The following SOX5 variants were observed in gnomAD, a reference collection of about 807,000 sequenced individuals.
The protein encoded by SOX5 is SRY-box transcription factor 5, also known as transcription factor SOX-5.
Under a neutral mutation model 92.0 loss-of-function variants are expected in SOX5, and 9 were observed. That is an observed-to-expected ratio of 0.10 (90% confidence interval 0.06 to 0.17). SOX5 has a LOEUF of 0.17. Ranked by LOEUF, SOX5 falls within the 10% of genes least tolerant of loss-of-function variation. The probability of loss-of-function intolerance (pLI) is 1.00; values close to 1 mark genes in which losing one functional copy is unlikely to be tolerated. For missense variants in SOX5, 642 were observed against 944.5 expected, an observed-to-expected ratio of 0.68 and a Z score of 4.20; for synonymous variants, 344 against 336.3, an observed-to-expected ratio of 1.02 and a Z score of -0.25.
intron 2 of SOX5, among the ~76,000 whole-genome samples, chr12:24,288,135 GGGGACATTT>G (rs1409554333): frequency 6.6e-6 from 1 of 152,152 alleles, no homozygotes; most frequent in African/African-American, 2.4e-5. Context: ...TATGTCCCTG[GGGGACATTT>G]GGGAGTGTCT....
At chr12:23,696,002 A>G (rs1567040314) in intron 6 of SOX5, among the ~76,000 whole-genome samples, 1 of 151,208 alleles carries the variant, frequency 6.6e-6, no homozygotes, top group Non-Finnish European at 1.5e-5. Context: ...AAAAACAAAA[A>G]ATATGACATA....
At chr12:23,958,364 A>C (rs1946511545) in intron 4 of SOX5, among the ~76,000 whole-genome samples, 1 of 152,058 alleles carries the variant, frequency 6.6e-6, no homozygotes, top group Admixed American at 6.5e-5. Context: ...GTACTCTCAT[A>C]AAAGGTAGAA....
At chr12:24,416,315 C>A (rs1410856643) in intron 1 of SOX5, among the ~76,000 whole-genome samples, 1 of 152,190 alleles carries the variant, frequency 6.6e-6, no homozygotes, top group African/African-American at 2.4e-5. Context: ...CTTGGACTAG[C>A]CCATGTAACA....
intron 3 of SOX5, among the ~76,000 whole-genome samples, chr12:23,760,579 C>T (rs1270014004): frequency 2.7e-5 from 4 of 146,698 alleles, no homozygotes; most frequent in Non-Finnish European, 6.0e-5. Flanking sequence ...TGCTTCTTCA[C>T]ATCAATGCCT....
At chr12:24,372,793 T>C (rs1374746844) in intron 1 of SOX5, among the ~76,000 whole-genome samples, 1 of 152,124 alleles carries the variant, frequency 6.6e-6, no homozygotes, top group Admixed American at 6.5e-5. Flanking sequence ...CAGCATCTGT[T>C]GTTTCCTGAC....
intron 1 of SOX5, among the ~76,000 whole-genome samples, chr12:24,386,753 A>C (rs975877736): frequency 6.6e-6 from 1 of 152,254 alleles, no homozygotes; most frequent in Non-Finnish European, 1.5e-5. Context: ...AGAAATAAAG[A>C]ACAAGGAATC....
chr12:23,732,467 G>T (rs1593791189), intron 6 of SOX5, among the ~76,000 whole-genome samples: 1 of 76,024 alleles, frequency 1.3e-5, no homozygotes, highest in Non-Finnish European at 3.1e-5. Context: ...TGAATATACT[G>T]GAAGCTGTGA....
At chr12:24,552,041 C>A (rs1299114872) in intron 1 of SOX5, among the ~76,000 whole-genome samples, 2 of 151,888 alleles carry the variant, frequency 1.3e-5, no homozygotes, top group African/African-American at 4.9e-5. Context: ...AAAGTTATTT[C>A]CAAGGCTAGA....
At chr12:24,245,249 G>GTGTGTA (rs1397853699) in intron 3 of SOX5, among the ~76,000 whole-genome samples, 1 of 151,080 alleles carries the variant, frequency 6.6e-6, no homozygotes, top group African/African-American at 2.4e-5. Context: ...GTGTGTGTGT[G>GTGTGTA]TGTGTGTGTG....
chr12:24,115,540 G>A (rs576364116), intron 4 of SOX5, among the ~76,000 whole-genome samples: 1 of 152,262 alleles, frequency 6.6e-6, no homozygotes, highest in South Asian at 2.1e-4. Flanking sequence ...ACCCCAAGGA[G>A]GGAAAACAAC....
intron 1 of SOX5, among the ~76,000 whole-genome samples, chr12:24,561,877 T>A (rs1954389256): frequency 6.6e-6 from 1 of 152,228 alleles, no homozygotes; most frequent in African/African-American, 2.4e-5. Flanking sequence ...TTTTAGGGTC[T>A]GGCCTTGGAC....
At chr12:24,222,860 C>T (rs1020846828) in intron 3 of SOX5, among the ~76,000 whole-genome samples, 1 of 152,138 alleles carries the variant, frequency 6.6e-6, no homozygotes, top group African/African-American at 2.4e-5. Context: ...GGTAGGCAAG[C>T]TTTTAACATT....
chr12:23,533,189 T>G lies in SOX5; in HGVS notation c.*1030A>C. 2.2e-6 allele frequency: 1 copy of G among 456,534 alleles called. No individual in the cohort carries two copies. The highest frequency in any genetic ancestry group is 4.4e-6 in the Non-Finnish European group (1 of 226,814). The allele number at this position is 456,534 out of a possible 1,614,324, so 28.3% of individuals were successfully genotyped here. ...GAGGATGTGGGATTTCATCCCCAGA[T>G]GTGGGTTTAACTCACAATGGTCCAA... On this transcript the variant is annotated 3_prime_UTR_variant, in exon 15 of 15. Transcript: ENST00000451604.
At chr12:24,056,600 G>C (rs1026837649) in intron 4 of SOX5, among the ~76,000 whole-genome samples, 3 of 152,034 alleles carry the variant, frequency 2.0e-5, no homozygotes, top group Non-Finnish European at 2.9e-5. Context: ...GGTGAGGTGC[G>C]TATTAAAATG....
intron 1 of SOX5, among the ~76,000 whole-genome samples, chr12:24,516,201 C>A (rs1397762789): frequency 6.6e-6 from 1 of 151,978 alleles, no homozygotes; most frequent in Non-Finnish European, 1.5e-5. Flanking sequence ...CGCCACCATG[C>A]CTGGCTAATT....
At chr12:24,374,524 C>A (rs1957056247) in intron 1 of SOX5, among the ~76,000 whole-genome samples, 1 of 151,618 alleles carries the variant, frequency 6.6e-6, no homozygotes. Flanking sequence ...CATACACACA[C>A]ACACACACAC....
At chr12:24,193,155 G>A (rs573532511) in intron 4 of SOX5, among the ~76,000 whole-genome samples, 5 of 152,200 alleles carry the variant, frequency 3.3e-5, no homozygotes, top group East Asian at 3.9e-4. Flanking sequence ...CAATGACAAC[G>A]ATAAAAACCC....
rs528707764 is a variant in SOX5 at position 24,257,892 on chromosome 12, T to G, written c.-77+19324A>C. Among the ~76,000 whole-genome samples the G allele has an allele frequency of 2.6e-5, 4 of 152,106 alleles. No individual in the cohort carries two copies. The East Asian group carries it at 7.8e-4, about 30-fold the overall frequency. ...TTATTTTCTTTTAAAGCCCCTATTC[T>G]GGTCAGGCGCCATGGCTCACGCCTG... On this transcript the variant is annotated intron_variant, in intron 3 of 4. Coordinates refer to the SOX5 transcript ENST00000446891.
chr12:24,362,460 G>A lies in SOX5; in HGVS notation c.-174+6103C>T, dbSNP rs181470082. The stretch of plus-strand genomic sequence containing the variant: ...AACAGCCTATTTGGACTGACTTCAC[G>A]GGTAACCAGATCAATTGTGTAGACA... On this transcript the variant is annotated intron_variant, in intron 2 of 4. Coordinates refer to the SOX5 transcript ENST00000446891. Among the ~76,000 whole-genome samples, 26 of 152,294 alleles carry A rather than the reference G, an allele frequency of 1.7e-4. 1 individual carries two copies. Among genetic ancestry groups the A allele is most frequent in the African/African-American group, 4.8e-4 (20 of 41,558 alleles).
Sources: allele counts gnomAD v4.1 joint callset (sites outside exome capture counted in the v4.1 genomes callset), GRCh38; gene constraint gnomAD v4.1.1; transcripts MANE v1.5; gene names NCBI Gene and HGNC (gene_info 2026-07-23, HGNC 2026-07-21).